ERBB4: variants seen among roughly 807,000 people sequenced by gnomAD.
ERBB4 encodes the protein receptor tyrosine-protein kinase erbB-4.
A neutral mutation model predicts 158.0 loss-of-function variants in ERBB4; 42 were observed. The ratio of observed to expected loss-of-function variants is 0.27; its 90% CI spans 0.21 to 0.34. The LOEUF is 0.34. Ranked by LOEUF, ERBB4 falls within the 10% of genes least tolerant of loss-of-function variation. The probability of loss-of-function intolerance (pLI) is 1.00; values close to 1 mark genes in which losing one functional copy is unlikely to be tolerated. For synonymous variants in ERBB4, 583 were observed against 558.7 expected (o/e 1.04, Z -0.61); for missense variants, 1,333 against 1,624.1 (o/e 0.82, Z 3.08).
intron 1 of ERBB4, among the ~76,000 whole-genome samples, chr2:212,207,553 A>G (rs1303551790): frequency 6.6e-6 from 1 of 152,204 alleles, no homozygotes. Context: ...ATGTTATTCA[A>G]TCTTACACTA....
intron 1 of ERBB4, among the ~76,000 whole-genome samples, chr2:212,260,986 A>T (rs763588368): frequency 2.6e-5 from 4 of 152,182 alleles, no homozygotes; most frequent in Admixed American, 6.5e-5. Flanking sequence ...GGCATAAGTA[A>T]TACAAATGAC....
chr2:211,976,752 C>A (rs542747088), intron 2 of ERBB4, among the ~76,000 whole-genome samples: 1 of 151,854 alleles, frequency 6.6e-6, no homozygotes, highest in Non-Finnish European at 1.5e-5. Flanking sequence ...CAAAATAAAA[C>A]CAGTTTTAGC....
At chr2:212,136,633 T>C (rs1354566461) in intron 1 of ERBB4, among the ~76,000 whole-genome samples, 1 of 152,190 alleles carries the variant, frequency 6.6e-6, no homozygotes, top group East Asian at 1.9e-4. Flanking sequence ...CCCTAGTACA[T>C]GAGTATGCTT....
intron 1 of ERBB4, among the ~76,000 whole-genome samples, chr2:212,504,715 A>G (rs2106253366): frequency 6.6e-6 from 1 of 152,316 alleles, no homozygotes; most frequent in Non-Finnish European, 1.5e-5. Flanking sequence ...TAAAATTTTA[A>G]CAAATATATT....
intron 25 of ERBB4, among the ~76,000 whole-genome samples, chr2:211,388,957 C>T (rs766917271): frequency 3.3e-5 from 5 of 152,178 alleles, no homozygotes; most frequent in Non-Finnish European, 5.9e-5. Flanking sequence ...TTTTATGAAG[C>T]TTATATTCTC....
chr2:211,819,093 C>T lies in ERBB4; in HGVS notation c.422-30934G>A, dbSNP rs1037355271. Among the ~76,000 whole-genome samples the T allele has an allele frequency of 3.9e-5, 6 of 152,002 alleles. No homozygotes were observed. In the East Asian group the frequency reaches 7.7e-4, roughly 19 times the overall value. On this transcript the variant is annotated intron_variant, in intron 3 of 27. Transcript: ENST00000342788. ...CCCAAATAATCTGATTTGAACCTTG[C>T]CTAAAATCTTCTCTCACCATTGTTT...
At chr2:211,483,458 C>T (rs929592921) in intron 20 of ERBB4, among the ~76,000 whole-genome samples, 8 of 151,944 alleles carry the variant, frequency 5.3e-5, no homozygotes, top group Admixed American at 2.6e-4. Context: ...ATAAAACAGC[C>T]GGAGGAATAA....
chr2:211,785,416 A>C (rs1398160391), intron 4 of ERBB4, among the ~76,000 whole-genome samples: 1 of 152,082 alleles, frequency 6.6e-6, no homozygotes, highest in African/African-American at 2.4e-5. Flanking sequence ...GACGTTTTTA[A>C]GTTTAATATC....
At chr2:212,440,223 T>A (rs1239391056) in intron 1 of ERBB4, among the ~76,000 whole-genome samples, 1 of 152,222 alleles carries the variant, frequency 6.6e-6, no homozygotes, top group African/African-American at 2.4e-5. Flanking sequence ...GGTTAACATT[T>A]GATTCAGTGG....
intron 20 of ERBB4, among the ~76,000 whole-genome samples, chr2:211,524,735 C>G (rs1387190485): frequency 6.6e-6 from 1 of 152,114 alleles, no homozygotes; most frequent in Non-Finnish European, 1.5e-5. Flanking sequence ...CAGGCGCAGC[C>G]CAGATTGCCA....
intron 18 of ERBB4, among the ~76,000 whole-genome samples, chr2:211,621,699 T>C (rs1288423565): frequency 1.3e-5 from 2 of 152,206 alleles, no homozygotes; most frequent in Non-Finnish European, 2.9e-5. Context: ...GTGATTATAC[T>C]CTAGGAACAA....
At chr2:212,254,333 G>A (rs113713398) in intron 1 of ERBB4, among the ~76,000 whole-genome samples, 2 of 152,090 alleles carry the variant, frequency 1.3e-5, no homozygotes, top group Admixed American at 1.3e-4. Context: ...TGAAGATTAA[G>A]TTAAAATGCG....
chr2:211,822,078 A>C (rs12999005), intron 3 of ERBB4, among the ~76,000 whole-genome samples: 35,152 of 151,782 alleles, frequency 0.23, 4,204 homozygotes, highest in South Asian at 0.33. Context: ...TGATCTCACT[A>C]GTGGAAGCTA....
intron 2 of ERBB4, among the ~76,000 whole-genome samples, chr2:212,002,954 G>A (rs1041114418): frequency 1.3e-5 from 2 of 151,274 alleles, no homozygotes; most frequent in Non-Finnish European, 2.9e-5. Context: ...CCAGACTCGG[G>A]AGGCTGTGGC....
At chr2:211,966,483 G>A (rs1055212309) in intron 2 of ERBB4, among the ~76,000 whole-genome samples, 4 of 152,016 alleles carry the variant, frequency 2.6e-5, no homozygotes, top group Admixed American at 6.6e-5. Context: ...CTCATGATCC[G>A]CCTGCCTTGG....
intron 3 of ERBB4, among the ~76,000 whole-genome samples, chr2:211,877,049 T>C (rs2078522711): frequency 6.6e-6 from 1 of 152,230 alleles, no homozygotes; most frequent in South Asian, 2.1e-4. Flanking sequence ...CTCTCCTTTC[T>C]ATATGCATTA....
chr2:212,230,855 T>C (rs1207665016), intron 1 of ERBB4, among the ~76,000 whole-genome samples: 1 of 152,172 alleles, frequency 6.6e-6, no homozygotes, highest in African/African-American at 2.4e-5. Context: ...GAGCAGTACC[T>C]TCCCAGGAAT....
chr2:211,990,523 A>AAAAT (rs199775547), intron 2 of ERBB4, among the ~76,000 whole-genome samples: 13,269 of 134,258 alleles, frequency 0.099, 625 homozygotes, highest in Non-Finnish European at 0.13. Flanking sequence ...AATAAAAATA[A>AAAAT]AAATAAATAA....
chr2:212,068,110 A>G (rs2077999119), intron 2 of ERBB4, among the ~76,000 whole-genome samples: 1 of 152,058 alleles, frequency 6.6e-6, no homozygotes, highest in African/African-American at 2.4e-5. Flanking sequence ...TATTATTCCC[A>G]TGATAGTCAC....
Sources: gnomAD v4.1 joint callset for allele counts (sites outside exome capture counted in the v4.1 genomes callset) on GRCh38, gnomAD v4.1.1 for gene constraint, MANE v1.5 for transcripts, NCBI Gene and HGNC (gene_info 2026-07-23, HGNC 2026-07-21) for gene names.